Variants in UACA observed in about 807,000 individuals in gnomAD.
UACA encodes uveal autoantigen with coiled-coil domains and ankyrin repeats, also known as nuclear membrane binding protein.
In UACA, 112 loss-of-function variants were observed where a neutral mutation model predicts 160.5. The observed-to-expected ratio is 0.70, with a 90% CI of 0.60 to 0.82. The LOEUF is 0.82. UACA is among the 40% of genes least tolerant of loss of function. UACA has a pLI of 0.00. For missense variants in UACA, 1,574 were observed against 1,614.6 expected (o/e 0.97, Z 0.43); for synonymous variants, 557 against 568.4 (o/e 0.98, Z 0.29).
chr15:70,664,736 T>TGGGAAAGGC lies in UACA; in HGVS notation c.4038_4039insGCCTTTCCC (p.Gly1346_Asn1347insAlaPhePro). 6.2e-7 allele frequency: 1 copy of TGGGAAAGGC among 1,613,792 alleles called. No homozygotes were observed. The highest frequency in any genetic ancestry group is 8.5e-7 in the Non-Finnish European group (1 of 1,179,858). On this transcript the variant is annotated inframe_insertion, in exon 17 of 19. Transcript: ENST00000322954. Reference sequence around the variant, plus strand: ...AGCTGGCTCTGCCTCTTGGTGGGGTTCCCACTTGTGTAGGTGAGTTGGGAA... The same window carrying TGGGAAAGGC: ...AGCTGGCTCTGCCTCTTGGTGGGGTTGGGAAAGGCCCCACTTGTGTAGGTGAGTTGGGAA...
At chr15:70,692,444 T>G (rs1474383696) in intron 3 of UACA, among the ~76,000 whole-genome samples, 1 of 152,150 alleles carries the variant, frequency 6.6e-6, no homozygotes, top group African/African-American at 2.4e-5. Flanking sequence ...ATTACAAGCA[T>G]GAGACATCAC....
chr15:70,692,728 C>T (rs1897983426), intron 3 of UACA, among the ~76,000 whole-genome samples: 2 of 152,080 alleles, frequency 1.3e-5, no homozygotes, highest in Admixed American at 1.3e-4. Context: ...ATGATTATGC[C>T]ACCACACTCT....
intron 5 of UACA, among the ~76,000 whole-genome samples, 174 bp downstream of exon 5, chr15:70,690,276 CTGAA>C (rs754180506): frequency 9.9e-5 from 15 of 152,014 alleles, no homozygotes; most frequent in Admixed American, 7.2e-4. Context: ...TAAATACTGA[CTGAA>C]TGAATCTTTT....
At chr15:70,663,158 A>T (rs1896778149) in intron 17 of UACA, among the ~76,000 whole-genome samples, 1 of 152,210 alleles carries the variant, frequency 6.6e-6, no homozygotes, top group East Asian at 1.9e-4. Flanking sequence ...ACTCAAACAC[A>T]TTTACAAGAA....
chr15:70,668,060 G>T lies in UACA; in HGVS notation c.2624C>A (p.Thr875Lys). Residue 875 changes from threonine (T) to lysine (K), a missense_variant, in exon 16 of 19, where the codon ACG (threonine) becomes AAG (lysine). By Grantham distance (78) the Thr-to-Lys change is moderately conservative. Transcript: ENST00000322954. ...HEEVKMTLNDTLAKTNRELLD... is the reference protein window; with the variant it reads ...HEEVKMTLNDKLAKTNRELLD... ...TAATTCTCTGTTAGTTTTGGCTAAC[G>T]TGTCATTCAGTGTCATTTTAACCTC... is the stretch of plus-strand genomic sequence containing the variant. 6.2e-7 allele frequency: 1 copy of T among 1,612,656 alleles called. No individual in the cohort carries two copies. Among genetic ancestry groups the T allele is most frequent in the Non-Finnish European group, 8.5e-7 (1 of 1,179,772 alleles).
At chr15:70,703,312 G>A in intron 1 of UACA, 1 of 1,273,914 alleles carries the variant, frequency 7.8e-7, no homozygotes, top group Non-Finnish European at 1.0e-6. Context: ...AGTGTTTACA[G>A]GAAGGAAGTA....
At chr15:70,686,092 AAAAC>A (rs1897705474) in intron 7 of UACA, among the ~76,000 whole-genome samples, 1 of 152,072 alleles carries the variant, frequency 6.6e-6, no homozygotes, top group African/African-American at 2.4e-5. Context: ...AGTATCCACA[AAAAC>A]AAAGTAATAT....
rs777042000 is a variant in UACA, at chr15:70,668,749, C to T, written c.1935G>A (p.Glu645=). 148 of 1,613,390 alleles carry T rather than the reference C, an allele frequency of 9.2e-5. No individual in the cohort carries two copies. Among genetic ancestry groups the T allele is most frequent in the Non-Finnish European group, 1.1e-4 (135 of 1,179,898 alleles). ...CCATTTCTACTAATTTTTTTGCTTT[C>T]TCATTCACTTCATTTGATAATGAGC... The part of the protein sequence containing the change: ...MKSSLSNEVN[E]KAKKLVEMER... The change falls in exon 16 of 19, where the codon GAG becomes GAA. Residue 645 remains glutamate, a synonymous_variant. Coordinates refer to ENST00000322954, the MANE Select transcript of UACA (RefSeq NM_018003.4).
chr15:70,690,642 A>T, intron 4 of UACA, 131 bp from the exon 5 acceptor site: 1 of 646,512 alleles, frequency 1.5e-6, no homozygotes, highest in Non-Finnish European at 2.7e-6. Flanking sequence ...ACTATCCGAC[A>T]ATCCATGAAA....
intron 1 of UACA, among the ~76,000 whole-genome samples, chr15:70,756,117 C>T (rs140168047): frequency 1.3e-4 from 20 of 152,010 alleles, no homozygotes; most frequent in African/African-American, 3.9e-4. Flanking sequence ...TTAGGACATA[C>T]GCTAAATACA....
At chr15:70,747,218 A>C (rs1595921603) in intron 1 of UACA, among the ~76,000 whole-genome samples, 1 of 151,906 alleles carries the variant, frequency 6.6e-6, no homozygotes, top group Non-Finnish European at 1.5e-5. Context: ...TTTGTGCAGA[A>C]ACGAATGGTG....
At chr15:70,671,800 G>GT in intron 14 of UACA, 165 bp downstream of exon 14, 1 of 424,404 alleles carries the variant, frequency 2.4e-6, no homozygotes, top group South Asian at 8.6e-5. Context: ...TATGTTAGAA[G>GT]TTACAATAGT....
rs990759116 is a variant in UACA, at chr15:70,687,462, A to T, written c.602+78T>A. The T allele has an allele frequency of 3.6e-6, 5 of 1,377,716 alleles. 1 individual carries two copies. In the Admixed American group the frequency reaches 8.5e-5, roughly 23 times the overall value. 85.3% of individuals were successfully genotyped at this position (1,377,716 alleles called of 1,614,324 possible). On this transcript the variant is annotated intron_variant, in intron 7 of 18. Coordinates refer to ENST00000322954, the MANE Select transcript of UACA (RefSeq NM_018003.4). ...CAGGAAAGAAAGGCCAAGTCAGAGAACAGAGCTGCTGCTTTGACTTGGCCT... is the reference window on the plus strand; with the variant it reads ...CAGGAAAGAAAGGCCAAGTCAGAGATCAGAGCTGCTGCTTTGACTTGGCCT...
intron 1 of UACA, among the ~76,000 whole-genome samples, chr15:70,756,099 C>T (rs1463363287): frequency 2.6e-5 from 4 of 152,006 alleles, no homozygotes; most frequent in Admixed American, 2.6e-4. Context: ...AATTACAGTA[C>T]AGAAATTTTA....
intron 16 of UACA, 130 bp downstream of exon 16, chr15:70,666,594 G>T: frequency 1.2e-5 from 8 of 690,928 alleles, no homozygotes; most frequent in South Asian, 3.8e-5. Context: ...CGGAATTTTT[G>T]CACGCAAGTT....
At chr15:70,707,360 T>A (rs1052073553) in intron 1 of UACA, among the ~76,000 whole-genome samples, 1 of 152,076 alleles carries the variant, frequency 6.6e-6, no homozygotes, top group African/African-American at 2.4e-5. Flanking sequence ...ACTTCGTAAA[T>A]TGGATTTGGC....
chr15:70,719,192 A>C (rs1898918562), intron 1 of UACA, among the ~76,000 whole-genome samples: 1 of 152,172 alleles, frequency 6.6e-6, no homozygotes. Context: ...AAGTAAGGAT[A>C]AAAAAAGAGA....
rs368180138 is a variant in UACA at position 70,757,373 on chromosome 15, CATT to C, written c.78+5954_78+5956del. Among the ~76,000 whole-genome samples, 14 of 152,276 alleles carry C rather than the reference CATT, an allele frequency of 9.2e-5. No individual in the cohort carries two copies. The East Asian group carries it at 1.3e-3, about 15-fold the overall frequency. The stretch of plus-strand genomic sequence containing the variant: ...TGCCAGCTTGTCTTTCTTTTTGAGA[CATT>C]AGTAGCCTCTGACAATCATGTCTAT... On this transcript the variant is annotated intron_variant, in intron 1 of 18. Coordinates refer to ENST00000322954, the MANE Select transcript of UACA (RefSeq NM_018003.4).
In UACA at chr15:70,668,136, T is replaced by A; in HGVS notation, c.2548A>T (p.Asn850Tyr). 6.2e-7 allele frequency: 1 copy of A among 1,613,692 alleles called. No individual in the cohort carries two copies. The highest frequency in any genetic ancestry group is 1.1e-5 in the South Asian group (1 of 90,978). ...KIHALTSENT[N>Y]LKKMMSNQYV... ...TGATTACTCATCATCTTCTTCAAGT[T>A]AGTGTTTTCAGATGTGAGAGCGTGT... is the stretch of plus-strand genomic sequence containing the variant. Residue 850 changes from asparagine to tyrosine, a missense_variant, in exon 16 of 19, where the codon AAC becomes TAC. Coordinates refer to ENST00000322954, the MANE Select transcript of UACA (RefSeq NM_018003.4).
Sources: allele counts gnomAD v4.1 joint callset (sites outside exome capture counted in the v4.1 genomes callset), GRCh38; gene constraint gnomAD v4.1.1; transcripts MANE v1.5; gene names NCBI Gene and HGNC (gene_info 2026-07-23, HGNC 2026-07-21).